The following C5orf47 variants were observed in gnomAD, a reference collection of about 807,000 sequenced individuals.
C5orf47 encodes uncharacterized protein C5orf47.
C5orf47 carries 20 observed loss-of-function variants against 20.6 expected under a neutral mutation model. The ratio of observed to expected loss-of-function variants is 0.97; its 90% CI spans 0.68 to 1.41. The LOEUF (loss-of-function observed/expected upper bound fraction) is 1.41. Among genes scored for constraint, C5orf47 ranks in the 40% most tolerant of loss-of-function variants. The pLI is 0.00. For missense variants in C5orf47, 262 were observed against 238.4 expected, an observed-to-expected ratio of 1.10 and a Z score of -0.65; for synonymous variants, 106 against 97.3, an observed-to-expected ratio of 1.09 and a Z score of -0.53.
rs12522661 is a variant in C5orf47 at position 173,999,132 on chromosome 5, C to T, written c.412-568C>T. On this transcript the variant is annotated intron_variant, in intron 2 of 4. Coordinates refer to ENST00000340147, the MANE Select transcript of C5orf47 (RefSeq NM_001144954.2). ...TATAATCCAATGTATGAAGTTATTC[C>T]TAGATGAGATTAAAATACTCTCCCA... 3.9e-5 allele frequency among the ~76,000 whole-genome samples: 6 copies of T among 152,116 alleles called. No individual in the cohort carries two copies. In the South Asian group the frequency reaches 1.2e-3, roughly 32 times the overall value.
rs78432264 is a variant in C5orf47 at position 173,996,409 on chromosome 5, C to T, written c.326-1744C>T. 5.9e-3 allele frequency among the ~76,000 whole-genome samples: 900 copies of T among 152,188 alleles called. 6 individuals carry two copies. The highest frequency in any genetic ancestry group is 0.02 in the African/African-American group (839 of 41,510). ...TGTATTTTAGATCCCCAAGTAATTACGGGTAGACTTGATGACTCCTGTGTT... is the reference window on the plus strand; with the variant it reads ...TGTATTTTAGATCCCCAAGTAATTATGGGTAGACTTGATGACTCCTGTGTT... On this transcript the variant is annotated intron_variant, in intron 1 of 4. Coordinates refer to ENST00000340147, the MANE Select transcript of C5orf47 (RefSeq NM_001144954.2).
At chr5:173,989,623 C>G in intron 1 of C5orf47, 35 bp downstream of exon 1, 5 of 1,147,814 alleles carry the variant, frequency 4.4e-6, no homozygotes, top group African/African-American at 1.7e-5. Context: ...CCGGGCGCGG[C>G]GGGGCGGGAC....
At chr5:173,990,227 C>T in intron 1 of C5orf47, among the ~76,000 whole-genome samples, 1 of 148,458 alleles carries the variant, frequency 6.7e-6, no homozygotes, top group East Asian at 2.0e-4. Context: ...CAGCCTTGAC[C>T]TCAGCCTCCC....
intron 3 of C5orf47, 111 bp downstream of exon 3, chr5:173,999,910 A>G (rs1160870462): frequency 3.5e-6 from 2 of 576,860 alleles, no homozygotes; most frequent in Admixed American, 6.8e-5. Context: ...TTCAATATAC[A>G]GAACTATAGA....
chr5:173,996,628 T>C (rs1365613404), intron 1 of C5orf47, among the ~76,000 whole-genome samples: 1 of 152,224 alleles, frequency 6.6e-6, no homozygotes, highest in East Asian at 1.9e-4. Context: ...ATTATTAATA[T>C]ATTTATTTAA....
rs367959216 is a variant in C5orf47 at position 173,989,830 on chromosome 5, C to T, written c.325+242C>T. Among the ~76,000 whole-genome samples, 138 of 152,312 alleles carry T rather than the reference C, an allele frequency of 9.1e-4. 2 individuals carry two copies. In the South Asian group the frequency reaches 0.011, roughly 13 times the overall value. ...TTGTTGAATGGAGCCTTTACGGCCCCCTCACGGAGGCTTTTGGCCTGCGTG... is the reference window on the plus strand; with the variant it reads ...TTGTTGAATGGAGCCTTTACGGCCCTCTCACGGAGGCTTTTGGCCTGCGTG... On this transcript the variant is annotated intron_variant, in intron 1 of 4. Transcript: ENST00000340147.
downstream of C5orf47, among the ~76,000 whole-genome samples, chr5:174,008,953 C>G (rs1490204899): frequency 6.6e-6 from 1 of 151,932 alleles, no homozygotes; most frequent in African/African-American, 2.4e-5. Flanking sequence ...AGGATTCTAT[C>G]AGACTTACCA....
Position 173,989,365 on chromosome 5 carries a change from C to T in C5orf47, c.102C>T (p.Gly34=), listed in dbSNP as rs376975747. 107 of 1,518,932 alleles carry T rather than the reference C, an allele frequency of 7.0e-5. No homozygotes were observed. In the East Asian group the frequency reaches 2.3e-3, roughly 32 times the overall value. 94.1% of individuals were successfully genotyped at this position (1,518,932 alleles called of 1,614,324 possible). A position where few individuals can be genotyped will look rare whatever the true frequency, so the allele number is the denominator to read the frequency against. Residue 34 remains glycine (G), a synonymous_variant, in exon 1 of 5, where the codon GGC becomes GGT. Coordinates refer to ENST00000340147, the MANE Select transcript of C5orf47 (RefSeq NM_001144954.2). ...GCAGTGGCGTCCTGCAACTGGGCGG[C>T]CGTGGAGCTCAAGGCCTTTGGGGTC... ...HQCSGVLQLG[G]RGAQGLWGQG... is the part of the protein sequence containing the mutation.
intron 1 of C5orf47, among the ~76,000 whole-genome samples, chr5:173,992,081 T>G (rs148531128): frequency 6.6e-6 from 1 of 152,218 alleles, no homozygotes; most frequent in African/African-American, 2.4e-5. Flanking sequence ...CAAATTCGTT[T>G]GCATAGATGT....
At chr5:173,991,933 T>A (rs1487454824) in intron 1 of C5orf47, among the ~76,000 whole-genome samples, 1 of 152,208 alleles carries the variant, frequency 6.6e-6, no homozygotes. Flanking sequence ...TAGAACCTAG[T>A]GCTTTTTGAG....
chr5:173,996,963 T>A (rs1759109897), intron 1 of C5orf47, among the ~76,000 whole-genome samples: 1 of 152,212 alleles, frequency 6.6e-6, no homozygotes, highest in Admixed American at 6.5e-5. Flanking sequence ...CTTAGTGCTA[T>A]GTCTGTATGT....
chr5:173,994,178 T>C (rs1206323440), intron 1 of C5orf47, among the ~76,000 whole-genome samples: 1 of 152,204 alleles, frequency 6.6e-6, no homozygotes, highest in Non-Finnish European at 1.5e-5. Context: ...TCTGTCGTCG[T>C]CGTGGAGAAT....
At chr5:174,006,226 T>C (rs1759291833), downstream of C5orf47, 1 of 152,358 alleles carries the variant, frequency 6.6e-6, no homozygotes, top group African/African-American at 2.4e-5. Context: ...ACCAAATCTA[T>C]ATCTGACTCT....
chr5:174,003,747 A>C (rs1045557227), intron 4 of C5orf47, among the ~76,000 whole-genome samples: 4 of 152,102 alleles, frequency 2.6e-5, no homozygotes, highest in African/African-American at 9.7e-5. Context: ...AATGAGAGAG[A>C]TGATTGTGGG....
At chr5:174,008,298 C>T (rs1759322960), downstream of C5orf47, among the ~76,000 whole-genome samples, 1 of 152,176 alleles carries the variant, frequency 6.6e-6, no homozygotes, top group Non-Finnish European at 1.5e-5. Flanking sequence ...TTAGGTGACA[C>T]AGAAGGTTGT....
chr5:173,998,806 A>G (rs1357565434), intron 2 of C5orf47, among the ~76,000 whole-genome samples: 1 of 152,182 alleles, frequency 6.6e-6, no homozygotes, highest in Non-Finnish European at 1.5e-5. Flanking sequence ...CATCGTTTAT[A>G]TTCAGTTTAA....
Position 173,999,748 on chromosome 5 carries a change from G to T in C5orf47, c.460G>T (p.Glu154Ter). 1 of 1,535,586 alleles carries T rather than the reference G, an allele frequency of 6.5e-7. No homozygotes were observed. Residue 154 changes from glutamate to a stop codon, truncating the protein, a stop_gained, in exon 3 of 5, where the codon GAA (glutamate) becomes TAA (stop). Transcript: ENST00000340147. LOFTEE classifies it high-confidence loss of function. ...CAAAGTCATTTCAAGAATGCTTGAAGAAAATGAAAAATATAGACACAGGCT... is the reference window on the plus strand; with the variant it reads ...CAAAGTCATTTCAAGAATGCTTGAATAAAATGAAAAATATAGACACAGGCT... ...VYKVISRMLE[E>*]NEKYRHRLKC... is the part of the protein sequence containing the mutation.
At chr5:174,007,582 G>T (rs1464342432), downstream of C5orf47, among the ~76,000 whole-genome samples, 3 of 144,016 alleles carry the variant, frequency 2.1e-5, no homozygotes, top group African/African-American at 8.1e-5. Flanking sequence ...TTTTGAGACG[G>T]AGTCTCGCTC....
intron 3 of C5orf47, among the ~76,000 whole-genome samples, chr5:174,000,782 GGT>G (rs1198402042): frequency 6.6e-6 from 1 of 152,066 alleles, no homozygotes; most frequent in African/African-American, 2.4e-5. Context: ...AGGAGAATGA[GGT>G]GGGGGGTGGA....
Sources: allele counts gnomAD v4.1 joint callset (sites outside exome capture counted in the v4.1 genomes callset), GRCh38; gene constraint gnomAD v4.1.1; transcripts MANE v1.5; gene names NCBI Gene and HGNC (gene_info 2026-07-23, HGNC 2026-07-21).